Variants in ACAT2 observed in about 807,000 individuals in gnomAD.
ACAT2 encodes acetyl-CoA acetyltransferase, cytosolic.
A neutral mutation model predicts 37.1 loss-of-function variants in ACAT2; 26 were observed. The ratio of observed to expected loss-of-function variants is 0.70; its 90% CI spans 0.51 to 0.97. The LOEUF (loss-of-function observed/expected upper bound fraction) is 0.97. Ranked by LOEUF, ACAT2 falls within the 50% of genes least tolerant of loss-of-function variation. The pLI is 0.00. For missense variants in ACAT2, 468 were observed against 489.0 expected, an observed-to-expected ratio of 0.96 and a Z score of 0.40; for synonymous variants, 156 against 163.6, an observed-to-expected ratio of 0.95 and a Z score of 0.35.
At chr6:159,775,893 T>A (rs1328680724) in intron 5 of ACAT2, 1 of 376,164 alleles carries the variant, frequency 2.7e-6, no homozygotes, top group Non-Finnish European at 4.9e-6. Context: ...CACAAACAGG[T>A]CCCTGGTAGC....
rs765044833 is a variant in ACAT2 at position 159,763,629 on chromosome 6, CTTTTTTTTTTTT to C, written c.190+593_190+604del. ...ACCACCTACACTGCCTTTTCTTTTC[CTTTTTTTTTTTT>C]TTTTTTTTTTTTTTTTGAGACGGAG... On this transcript the variant is annotated intron_variant, in intron 2 of 8. Transcript: ENST00000367048. Among the ~76,000 whole-genome samples the C allele has an allele frequency of 1.5e-3, 114 of 76,412 alleles. 1 individual carries two copies. The highest frequency in any genetic ancestry group is 2.2e-3 in the Non-Finnish European group (92 of 42,476). 50.1% of individuals were successfully genotyped at this position (76,412 alleles called of 152,430 possible). A position where few individuals can be genotyped will look rare whatever the true frequency, so the allele number is the denominator to read the frequency against.
intron 1 of ACAT2, 98 bp downstream of exon 1, chr6:159,762,240 G>A: frequency 7.0e-7 from 1 of 1,431,164 alleles, no homozygotes; most frequent in South Asian, 1.4e-5. Context: ...CGTATGTGGA[G>A]GAAGCCGGTC....
At chr6:159,768,748 C>A (rs1293915228) in intron 4 of ACAT2, 120 bp downstream of exon 4, 4 of 564,716 alleles carry the variant, frequency 7.1e-6, no homozygotes, top group Admixed American at 5.8e-5. Flanking sequence ...ATTTTTATAT[C>A]TCTTCTTTGA....
intron 8 of ACAT2, 33 bp from the exon 9 acceptor site, chr6:159,778,625 GA>G (rs1282250927): frequency 6.2e-7 from 1 of 1,606,460 alleles, no homozygotes; most frequent in African/African-American, 1.3e-5. Flanking sequence ...GTCCACAGAA[GA>G]ATAAACAATC....
chr6:159,776,953 G>A (rs1250034424), intron 6 of ACAT2, among the ~76,000 whole-genome samples: 1 of 152,028 alleles, frequency 6.6e-6, no homozygotes, highest in Non-Finnish European at 1.5e-5. Flanking sequence ...CACACCGGCT[G>A]ATTTTTCTAT....
Position 159,763,182 on chromosome 6 carries a change from T to C in ACAT2, c.190+129T>C, listed in dbSNP as rs1780185889. ...CAAGTTCTTGCCTCCTTGCTTTTGC[T>C]CAGAGTTCCCTCTGTTATGATTCCT... On this transcript the variant is annotated intron_variant, in intron 2 of 8. Transcript: ENST00000367048. 6 of 1,290,614 alleles carry C rather than the reference T, an allele frequency of 4.6e-6. No individual in the cohort carries two copies. In the South Asian group the frequency reaches 7.4e-5, roughly 16 times the overall value. The allele number at this position is 1,290,614 out of a possible 1,614,324, so 79.9% of individuals were successfully genotyped here. A position where few individuals can be genotyped will look rare whatever the true frequency, so the allele number is the denominator to read the frequency against.
At chr6:159,774,448 T>C (rs1419663019) in intron 4 of ACAT2, among the ~76,000 whole-genome samples, 1 of 152,200 alleles carries the variant, frequency 6.6e-6, no homozygotes, top group Non-Finnish European at 1.5e-5. Flanking sequence ...TTAAATTTCC[T>C]GATTTTTGTT....
At chr6:159,768,806 T>A (rs1780294633) in intron 4 of ACAT2, among the ~76,000 whole-genome samples, 178 bp downstream of exon 4, 1 of 152,244 alleles carries the variant, frequency 6.6e-6, no homozygotes, top group Admixed American at 6.5e-5. Flanking sequence ...CTCTTGATTA[T>A]CAGAGAATGT....
chr6:159,762,357 T>C lies in ACAT2; in HGVS notation c.55+215T>C, dbSNP rs1780159082. On this transcript the variant is annotated intron_variant, in intron 1 of 8. Transcript: ENST00000367048. ...CTCCTCTCCCGATGTGCGCACTCCG[T>C]CCCTCGTGCTTGGATTGGCTCCCGG... 2.3e-5 allele frequency: 30 copies of C among 1,283,496 alleles called. No individual in the cohort carries two copies. The South Asian group carries it at 4.4e-4, about 19-fold the overall frequency. The allele number at this position is 1,283,496 out of a possible 1,614,324, so 79.5% of individuals were successfully genotyped here.
rs750711698 is a variant in ACAT2, at chr6:159,778,312, C to T, written c.1023+32C>T. 3 of 1,459,280 alleles carry T rather than the reference C, an allele frequency of 2.1e-6. No individual in the cohort carries two copies. In the African/African-American group the frequency reaches 4.3e-5, roughly 21 times the overall value. 90.4% of individuals were successfully genotyped at this position (1,459,280 alleles called of 1,614,324 possible). ...ATGCACAAGTAACCCTGAGAGCTTA[C>T]CAGTGAATTTCACAATCCAATTTTA... On this transcript the variant is annotated intron_variant, in intron 8 of 8. Coordinates refer to ENST00000367048, the MANE Select transcript of ACAT2 (RefSeq NM_005891.3).
intron 1 of ACAT2, 30 bp downstream of exon 1, chr6:159,762,172 C>T (rs1459593999): frequency 6.2e-7 from 1 of 1,600,588 alleles, no homozygotes; most frequent in Non-Finnish European, 8.5e-7. Context: ...CGCGCAGAGT[C>T]CGAGGCGCCT....
At chr6:159,770,646 T>TA (rs1029323515) in intron 4 of ACAT2, among the ~76,000 whole-genome samples, 5 of 148,312 alleles carry the variant, frequency 3.4e-5, no homozygotes, top group Admixed American at 6.7e-5. Context: ...ACCTCATCTC[T>TA]AAAAAAAAAG....
rs1780469981 is a variant in ACAT2 at position 159,778,278 on chromosome 6, A to T, written c.1021A>T (p.Lys341Ter). 6.3e-7 allele frequency: 1 copy of T among 1,596,966 alleles called. No individual in the cohort carries two copies. The highest frequency in any genetic ancestry group is 1.3e-5 in the African/African-American group (1 of 74,322). ...TAAAGAACTTGGATTAAACCCAGAG[A>T]AGGTAAAGATGCACAAGTAACCCTG... Reference protein sequence around the residue: ...IVKELGLNPEKVNIEGGAIAL... With the variant: ...IVKELGLNPE Residue 341 changes from lysine to a stop codon, truncating the protein, a stop_gained and splice_region_variant, in exon 8 of 9, where the codon AAG (lysine) becomes TAG (stop). Transcript: ENST00000367048. LOFTEE classifies it high-confidence loss of function.
chr6:159,773,203 T>C (rs1297719962), intron 4 of ACAT2, among the ~76,000 whole-genome samples: 1 of 152,118 alleles, frequency 6.6e-6, no homozygotes, highest in African/African-American at 2.4e-5. Flanking sequence ...GGGAGAAGAA[T>C]GTAGCTTGTG....
intron 7 of ACAT2, 138 bp from the exon 8 acceptor site, chr6:159,778,032 G>A: frequency 1.8e-6 from 1 of 563,280 alleles, no homozygotes; most frequent in Non-Finnish European, 3.1e-6. Context: ...GTGTGAGAAT[G>A]TCACTGTATT....
At chr6:159,774,228 A>G (rs1358689178) in intron 4 of ACAT2, among the ~76,000 whole-genome samples, 2 of 152,236 alleles carry the variant, frequency 1.3e-5, no homozygotes, top group African/African-American at 2.4e-5. Context: ...ATGACCCTTA[A>G]CAAAAGAACT....
rs201460713 is a variant in ACAT2, at chr6:159,762,073, G to A, written c.-15G>A. Reference sequence around the variant, plus strand: ...TTGCAGGCAGCGCAGGGCAGACGGCGGCAGGAGAAGCAAGATGAATGCAGG... The same window carrying A: ...TTGCAGGCAGCGCAGGGCAGACGGCAGCAGGAGAAGCAAGATGAATGCAGG... On this transcript the variant is annotated 5_prime_UTR_variant, in exon 1 of 9. Coordinates refer to ENST00000367048, the MANE Select transcript of ACAT2 (RefSeq NM_005891.3). The A allele has an allele frequency of 2.3e-3, 3,630 of 1,612,666 alleles. 100 individuals carry two copies. In the South Asian group the frequency reaches 0.037, roughly 16 times the overall value.
intron 4 of ACAT2, among the ~76,000 whole-genome samples, chr6:159,768,935 T>C (rs1409884272): frequency 1.3e-5 from 2 of 152,156 alleles, no homozygotes; most frequent in Non-Finnish European, 2.9e-5. Context: ...AAACCAGTTG[T>C]TTTTTTGGTA....
At chr6:159,762,278 C>T in intron 1 of ACAT2, 136 bp downstream of exon 1, 1 of 1,273,674 alleles carries the variant, frequency 7.9e-7, no homozygotes, top group Non-Finnish European at 1.1e-6. Flanking sequence ...GCCGCGGGAT[C>T]CCTGGAACCC....
Sources: allele counts gnomAD v4.1 joint callset (sites outside exome capture counted in the v4.1 genomes callset), GRCh38; gene constraint gnomAD v4.1.1; transcripts MANE v1.5; gene names NCBI Gene and HGNC (gene_info 2026-07-23, HGNC 2026-07-21).